DYSF: variants seen among roughly 807,000 people sequenced by gnomAD.
The protein encoded by DYSF is dystrophy-associated fer-1-like 1.
Under a neutral mutation model 274.9 loss-of-function variants are expected in DYSF, and 212 were observed. The observed-to-expected ratio is 0.77, with a 90% CI of 0.69 to 0.86. DYSF has a LOEUF of 0.86. DYSF is among the 40% of genes least tolerant of loss of function. The pLI is 0.00. For missense variants in DYSF, 2,666 were observed against 2,783.2 expected (o/e 0.96, Z 0.95); for synonymous variants, 1,091 against 1,078.7 (o/e 1.01, Z -0.22).
intron 13 of DYSF, 75 bp downstream of exon 13, chr2:71,526,421 C>CTGGGGGGGGGGGGGGGGGGTTGGGG: frequency 7.4e-6 from 2 of 272,068 alleles, no homozygotes; most frequent in Non-Finnish European, 1.3e-5. Flanking sequence ...TGGGCGATGG[C>CTGGGGGGGGGGGGGGGGGGTTGGGG]GGGCGGGGTC....
chr2:71,480,895 G>A lies in DYSF; in HGVS notation c.104G>A (p.Arg35Lys). ...GTGTCTCTTGTAGGGGTGAAGAAGA[G>A]AACCAAAGTCATCAAGAACAGCGTG... The part of the protein sequence containing the change: ...ASLTFRGVKK[R>K]TKVIKNSVNP... Residue 35 changes from arginine (R) to lysine (K), a missense_variant, in exon 2 of 56, where the codon AGA (arginine) becomes AAA (lysine). Arg to Lys is a conservative substitution (Grantham distance 26). Transcript: ENST00000410020. 6.2e-7 allele frequency: 1 copy of A among 1,614,154 alleles called. No individual in the cohort carries two copies. The highest frequency in any genetic ancestry group is 8.5e-7 in the Non-Finnish European group (1 of 1,179,992).
chr2:71,611,182 CTT>C (rs1230276413), intron 36 of DYSF, 61 bp from the exon 37 acceptor site: 2 of 1,231,488 alleles, frequency 1.6e-6, no homozygotes, highest in Non-Finnish European at 2.4e-6. Context: ...GTCCTTCTCT[CTT>C]GTCTTTTTGC....
intron 42 of DYSF, among the ~76,000 whole-genome samples, chr2:71,649,157 A>AAAGTGAAT (rs1431811779): frequency 6.6e-6 from 1 of 151,676 alleles, no homozygotes; most frequent in East Asian, 1.9e-4. Context: ...AAAAAAAAAA[A>AAAGTGAAT]AGTGAATATG....
At chr2:71,646,178 T>A (rs1339401109) in intron 42 of DYSF, among the ~76,000 whole-genome samples, 1 of 152,132 alleles carries the variant, frequency 6.6e-6, no homozygotes, top group Non-Finnish European at 1.5e-5. Context: ...GTGTGTGAGG[T>A]TGGGCAAAGA....
Position 71,500,872 on chromosome 2 carries a change from C to A in DYSF, c.240-2342C>A, listed in dbSNP as rs147917856. Among the ~76,000 whole-genome samples the A allele has an allele frequency of 2.9e-3, 435 of 152,158 alleles. 6 individuals are homozygous for A. Among genetic ancestry groups the A allele is most frequent in the African/African-American group, 1.0e-2 (414 of 41,508 alleles). On this transcript the variant is annotated intron_variant, in intron 3 of 55. Transcript: ENST00000410020. ...ACCCGGGTCCTGGGGCTGACTCAGC[C>A]ATTCTCCTGCTTGAACAAGTCACTC...
chr2:71,578,293 C>T (rs1270204089), intron 30 of DYSF, among the ~76,000 whole-genome samples: 1 of 152,138 alleles, frequency 6.6e-6, no homozygotes, highest in Non-Finnish European at 1.5e-5. Flanking sequence ...TGGCCCCCTA[C>T]TTGGGTGCCC....
chr2:71,562,393 C>T (rs1240652327), intron 23 of DYSF, among the ~76,000 whole-genome samples: 1 of 152,160 alleles, frequency 6.6e-6, no homozygotes, highest in African/African-American at 2.4e-5. Flanking sequence ...CTCTGAACCC[C>T]AGGCCCAAGG....
intron 53 of DYSF, 37 bp from the exon 54 acceptor site, chr2:71,680,964 C>T (rs749457527): frequency 5.6e-6 from 9 of 1,595,804 alleles, no homozygotes; most frequent in African/African-American, 1.3e-5. Flanking sequence ...TGAGCAGAGC[C>T]TTCGTGCCCC....
Position 71,526,327 on chromosome 2 carries a change from G to C in DYSF, c.1257G>C (p.Arg419=). Reference sequence around the variant, plus strand: ...CCCACTTCTGCCTGAAGGTCTTCCGGGCCGAGGACTTGCCGCAGAGTGCGT... The same window carrying C: ...CCCACTTCTGCCTGAAGGTCTTCCGCGCCGAGGACTTGCCGCAGAGTGCGT... ...RGAHFCLKVF[R]AEDLPQMDDA... Residue 419 remains arginine (R), a synonymous_variant, in exon 13 of 56, where the codon CGG becomes CGC. Transcript: ENST00000410020. 12 of 1,614,094 alleles carry C rather than the reference G, an allele frequency of 7.4e-6. No homozygotes were observed. Among genetic ancestry groups the C allele is most frequent in the Non-Finnish European group, 1.0e-5 (12 of 1,179,970 alleles).
intron 52 of DYSF, among the ~76,000 whole-genome samples, chr2:71,678,605 A>G (rs1021368564): frequency 1.3e-5 from 2 of 152,136 alleles, no homozygotes; most frequent in African/African-American, 4.8e-5. Flanking sequence ...TAGAAATAGT[A>G]GTGATGGTTG....
At position 71,622,177 on chromosome 2, in the gene DYSF, T is replaced by G. The variant is rs182063188; in HGVS notation, c.4527+1568T>G. 2.9e-4 allele frequency among the ~76,000 whole-genome samples: 43 copies of G among 148,728 alleles called. 2 individuals carry two copies. In the East Asian group the frequency reaches 7.6e-3, roughly 26 times the overall value. ...GCCCAGGTACATCTGTTCAGGCCAT[T>G]TCTTGTTAAAGTGTATTCCTAGGCA... On this transcript the variant is annotated intron_variant, in intron 41 of 55. Coordinates refer to ENST00000410020, the MANE Select transcript of DYSF (RefSeq NM_001130987.2).
chr2:71,647,316 T>TC, intron 42 of DYSF, among the ~76,000 whole-genome samples: 1 of 152,208 alleles, frequency 6.6e-6, no homozygotes, highest in Admixed American at 6.5e-5. Flanking sequence ...AGCGAATACT[T>TC]ACAAAATTTG....
In DYSF at chr2:71,491,196, T is replaced by G. The variant is rs142171129; in HGVS notation, c.239+9226T>G. 9.7e-3 allele frequency among the ~76,000 whole-genome samples: 1,477 copies of G among 152,320 alleles called. 28 individuals are homozygous for G. Among genetic ancestry groups the G allele is most frequent in the African/African-American group, 0.034 (1,414 of 41,556 alleles). On this transcript the variant is annotated intron_variant, in intron 3 of 55. Coordinates refer to ENST00000410020, the MANE Select transcript of DYSF (RefSeq NM_001130987.2). ...TTGTGTGCTGATTGTCCATTTCTAT[T>G]TCTTCTTTTGTGATTGCCAATCATT...
At chr2:71,554,228 T>TA (rs2091179766) in intron 21 of DYSF, among the ~76,000 whole-genome samples, 1 of 152,310 alleles carries the variant, frequency 6.6e-6, no homozygotes, top group East Asian at 1.9e-4. Flanking sequence ...ACGGCCTGGC[T>TA]CTCGCTCGCT....
chr2:71,470,769 C>CCTTCCTTCCTTCA (rs1558936648), intron 1 of DYSF, among the ~76,000 whole-genome samples: 1 of 140,052 alleles, frequency 7.1e-6, no homozygotes, highest in African/African-American at 2.7e-5. Context: ...TCCTTCCTTC[C>CCTTCCTTCCTTCA]TTCCTTCCTT....
Position 71,526,148 on chromosome 2 carries a change from A to C in DYSF, c.1150-72A>C. 3 of 1,613,270 alleles carry C rather than the reference A, an allele frequency of 1.9e-6. No homozygotes were observed. In the South Asian group the frequency reaches 3.3e-5, roughly 18 times the overall value. ...GCAGCATTTATGTGGCGAAGCTGGA[A>C]CTCTTAGAAAAGGAAAGTAAAACCC... On this transcript the variant is annotated intron_variant, in intron 12 of 55. Coordinates refer to ENST00000410020, the MANE Select transcript of DYSF (RefSeq NM_001130987.2).
At chr2:71,467,806 A>C (rs1245174548) in intron 1 of DYSF, among the ~76,000 whole-genome samples, 1 of 152,098 alleles carries the variant, frequency 6.6e-6, no homozygotes, top group Admixed American at 6.5e-5. Flanking sequence ...TGGAATCGAT[A>C]ATAATAATAA....
At position 71,606,535 on chromosome 2, in the gene DYSF, G is replaced by T. The variant is rs543855967; in HGVS notation, c.3957+3730G>T. ...CCTCACTGAGAATTACTGTCCTGGA[G>T]AGGGGGTGCTGTGCCCCTCAAGTGG... On this transcript the variant is annotated intron_variant, in intron 36 of 55. Transcript: ENST00000410020. Among the ~76,000 whole-genome samples, 33 of 152,168 alleles carry T rather than the reference G, an allele frequency of 2.2e-4. No individual in the cohort carries two copies. In the East Asian group the frequency reaches 4.7e-3, roughly 21 times the overall value.
chr2:71,559,988 G>A (rs1162577942), intron 22 of DYSF, among the ~76,000 whole-genome samples: 1 of 152,216 alleles, frequency 6.6e-6, no homozygotes, highest in Non-Finnish European at 1.5e-5. Context: ...GACCTTGGGA[G>A]CAGCCCAGCC....
Sources: allele counts gnomAD v4.1 joint callset (sites outside exome capture counted in the v4.1 genomes callset), GRCh38; gene constraint gnomAD v4.1.1; transcripts MANE v1.5; gene names NCBI Gene and HGNC (gene_info 2026-07-23, HGNC 2026-07-21).